Variants in KCNH7 observed in about 807,000 individuals in gnomAD.
KCNH7 encodes the protein potassium voltage-gated channel subfamily H member 7.
A neutral mutation model predicts 120.8 loss-of-function variants in KCNH7; 49 were observed. The ratio of observed to expected loss-of-function variants is 0.41; its 90% CI spans 0.32 to 0.51. The LOEUF (loss-of-function observed/expected upper bound fraction) is 0.51. Ranked by LOEUF, KCNH7 falls within the 20% of genes least tolerant of loss-of-function variation. The probability of loss-of-function intolerance (pLI) is 0.38; values close to 1 mark genes in which losing one functional copy is unlikely to be tolerated. For synonymous variants in KCNH7, 547 were observed against 516.1 expected (o/e 1.06, Z -0.81); for missense variants, 1,097 against 1,446.6 (o/e 0.76, Z 3.92).
intron 6 of KCNH7, among the ~76,000 whole-genome samples, chr2:162,467,813 G>T (rs780083299): frequency 6.6e-6 from 1 of 152,146 alleles, no homozygotes; most frequent in Non-Finnish European, 1.5e-5. Flanking sequence ...CACAGTTGTG[G>T]AATCTGAGAA....
chr2:162,807,600 GA>G (rs2105559253), intron 2 of KCNH7, among the ~76,000 whole-genome samples: 1 of 152,216 alleles, frequency 6.6e-6, no homozygotes, highest in African/African-American at 2.4e-5. Context: ...ACATGAAGTG[GA>G]AAAGTGATTT....
chr2:162,547,711 G>A (rs1481648604), intron 2 of KCNH7, among the ~76,000 whole-genome samples: 1 of 151,164 alleles, frequency 6.6e-6, no homozygotes, highest in Admixed American at 6.6e-5. Context: ...TGCATGCAAA[G>A]GTCTTTGTAT....
intron 5 of KCNH7, among the ~76,000 whole-genome samples, chr2:162,505,909 A>G (rs1036415468): frequency 6.6e-6 from 1 of 151,860 alleles, no homozygotes; most frequent in Admixed American, 6.6e-5. Flanking sequence ...TTTGGACAAT[A>G]ATCAATCAAC....
chr2:162,410,981 A>T (rs1016152137), intron 9 of KCNH7, among the ~76,000 whole-genome samples: 2 of 152,150 alleles, frequency 1.3e-5, no homozygotes, highest in Non-Finnish European at 2.9e-5. Context: ...AGAAGAGTGA[A>T]CACTTGTACA....
chr2:162,518,948 A>T lies in KCNH7; in HGVS notation c.464-790T>A, dbSNP rs181836431. 3.1e-4 allele frequency among the ~76,000 whole-genome samples: 47 copies of T among 151,568 alleles called. 1 individual carries two copies. Among genetic ancestry groups the T allele is most frequent in the African/African-American group, 1.1e-3 (45 of 41,476 alleles). On this transcript the variant is annotated intron_variant, in intron 3 of 15. Coordinates refer to ENST00000332142, the MANE Select transcript of KCNH7 (RefSeq NM_033272.4). The stretch of plus-strand genomic sequence containing the variant: ...TTAAAAATTAAAATATTAACTAATA[A>T]ATATAACATTAAAATATTAAACTTT...
intron 6 of KCNH7, among the ~76,000 whole-genome samples, chr2:162,447,732 T>C (rs954349452): frequency 1.3e-5 from 2 of 152,120 alleles, no homozygotes; most frequent in African/African-American, 4.8e-5. Flanking sequence ...TAGTAATGAA[T>C]TATGTCACGT....
intron 2 of KCNH7, among the ~76,000 whole-genome samples, chr2:162,786,960 TA>T (rs1683731059): frequency 6.6e-6 from 1 of 152,210 alleles, no homozygotes; most frequent in Non-Finnish European, 1.5e-5. Flanking sequence ...AGGACAGTTT[TA>T]TATTACCTGC....
chr2:162,379,503 G>C, intron 14 of KCNH7, among the ~76,000 whole-genome samples: 1 of 151,800 alleles, frequency 6.6e-6, no homozygotes, highest in Non-Finnish European at 1.5e-5. Flanking sequence ...GGGAACATCC[G>C]AAAAAGTGTA....
intron 2 of KCNH7, among the ~76,000 whole-genome samples, chr2:162,750,526 A>G (rs528023705): frequency 1.3e-4 from 20 of 152,300 alleles, no homozygotes; most frequent in Admixed American, 4.6e-4. Flanking sequence ...AAGTGTGTGC[A>G]AAAGAATTAA....
At chr2:162,428,842 T>G (rs937083408) in intron 8 of KCNH7, among the ~76,000 whole-genome samples, 3 of 151,872 alleles carry the variant, frequency 2.0e-5, no homozygotes, top group Admixed American at 2.0e-4. Flanking sequence ...GATTTTCTTA[T>G]GATTAGGATT....
At chr2:162,435,620 T>C (rs1558943699) in intron 7 of KCNH7, 23 bp from the exon 8 acceptor site, 2 of 1,541,638 alleles carry the variant, frequency 1.3e-6, no homozygotes, top group Non-Finnish European at 1.7e-6. Context: ...ATGTACACAG[T>C]CAGAAACGGT....
chr2:162,819,431 C>A (rs1001417165), intron 2 of KCNH7, among the ~76,000 whole-genome samples: 1 of 152,104 alleles, frequency 6.6e-6, no homozygotes, highest in Non-Finnish European at 1.5e-5. Context: ...CACCCTAAAG[C>A]AAATGAGGCA....
intron 2 of KCNH7, among the ~76,000 whole-genome samples, chr2:162,710,913 G>T (rs1686904999): frequency 1.3e-5 from 2 of 152,062 alleles, no homozygotes; most frequent in African/African-American, 4.8e-5. Flanking sequence ...GAACAGATGT[G>T]TTATGGCCTA....
intron 12 of KCNH7, among the ~76,000 whole-genome samples, chr2:162,392,165 G>A (rs1464913495): frequency 6.6e-6 from 1 of 151,958 alleles, no homozygotes. Flanking sequence ...AGAAAGAGAA[G>A]CTTTACATTT....
chr2:162,569,648 C>T (rs1254354844), intron 2 of KCNH7, among the ~76,000 whole-genome samples: 1 of 151,080 alleles, frequency 6.6e-6, no homozygotes, highest in Non-Finnish European at 1.5e-5. Flanking sequence ...ATCTTTCCTG[C>T]TTTCTCTTGT....
At chr2:162,646,573 G>A (rs1684366385) in intron 2 of KCNH7, among the ~76,000 whole-genome samples, 1 of 152,158 alleles carries the variant, frequency 6.6e-6, no homozygotes, top group African/African-American at 2.4e-5. Context: ...TATGACATGA[G>A]CACTCAAAAG....
chr2:162,752,668 G>T (rs569244069), intron 2 of KCNH7, among the ~76,000 whole-genome samples: 35 of 151,908 alleles, frequency 2.3e-4, no homozygotes, highest in Non-Finnish European at 4.7e-4. Context: ...GGAGGCCAAG[G>T]CAGGCAGATC....
intron 2 of KCNH7, among the ~76,000 whole-genome samples, chr2:162,608,552 G>T (rs1682858203): frequency 1.3e-5 from 2 of 152,098 alleles, no homozygotes; most frequent in East Asian, 1.9e-4. Flanking sequence ...TTAGGAGAAA[G>T]GTATGTTTGG....
At chr2:162,621,250 A>ATTT (rs1559048811) in intron 2 of KCNH7, among the ~76,000 whole-genome samples, 2 of 34,308 alleles carry the variant, frequency 5.8e-5, no homozygotes, top group Non-Finnish European at 5.0e-5. Context: ...GGGTATCATC[A>ATTT]TCTTTTTTTT....
Sources: allele counts gnomAD v4.1 joint callset (sites outside exome capture counted in the v4.1 genomes callset), GRCh38; gene constraint gnomAD v4.1.1; transcripts MANE v1.5; gene names NCBI Gene and HGNC (gene_info 2026-07-23, HGNC 2026-07-21).